The following ABCC11 variants were observed in gnomAD, a reference collection of about 807,000 sequenced individuals.
ABCC11 encodes the protein ATP-binding cassette sub-family C member 11.
A neutral mutation model predicts 149.3 loss-of-function variants in ABCC11; 135 were observed. That is an observed-to-expected ratio of 0.90 (90% CI 0.79 to 1.04). The LOEUF (loss-of-function observed/expected upper bound fraction) is 1.04. Among genes scored for constraint, ABCC11 ranks in the 50% least tolerant of loss-of-function variants. The pLI is 0.00. For synonymous variants in ABCC11, 665 were observed against 671.4 expected (o/e 0.99, Z 0.15); for missense variants, 1,680 against 1,722.1 (o/e 0.98, Z 0.43).
At chr16:48,220,273 G>C (rs745465892) in intron 6 of ABCC11, among the ~76,000 whole-genome samples, 2 of 152,224 alleles carry the variant, frequency 1.3e-5, no homozygotes, top group Non-Finnish European at 2.9e-5. Context: ...CCAGCACTTA[G>C]CAATCACATG....
In ABCC11 at chr16:48,227,798, A is replaced by T. The variant is rs199909739; in HGVS notation, c.395+8T>A. 30 of 1,613,758 alleles carry T rather than the reference A, an allele frequency of 1.9e-5. No individual in the cohort carries two copies. The highest frequency in any genetic ancestry group is 1.3e-5 in the African/African-American group (1 of 74,900). On this transcript the variant is annotated splice_region_variant and intron_variant, in intron 4 of 29. Coordinates refer to ENST00000356608, the MANE Select transcript of ABCC11 (RefSeq NM_001370497.1). ...ACCTATCCACTGGTTTGCCCAGCGCAGCTTCACCTTTGGACATTTTTGTCT... is the reference window on the plus strand; with the variant it reads ...ACCTATCCACTGGTTTGCCCAGCGCTGCTTCACCTTTGGACATTTTTGTCT...
intron 1 of ABCC11, among the ~76,000 whole-genome samples, chr16:48,237,253 C>A (rs2150932906): frequency 6.6e-6 from 1 of 152,304 alleles, no homozygotes; most frequent in African/African-American, 2.4e-5. Context: ...GAATCTGTCA[C>A]AAGGTAGGGC....
chr16:48,230,559 G>A lies in ABCC11; in HGVS notation c.114C>T (p.Leu38=). 1 of 1,602,886 alleles carries A rather than the reference G, an allele frequency of 6.2e-7. No homozygotes were observed. The highest frequency in any genetic ancestry group is 8.5e-7 in the Non-Finnish European group (1 of 1,174,636). ...VSGLIYKTYT[L]QDGPWSQQER... ...CTTGCTGACTCCAGGGGCCATCTTGGAGAGTATAGGTTTTCTTGGAAAAGA... is the reference window on the plus strand; with the variant it reads ...CTTGCTGACTCCAGGGGCCATCTTGAAGAGTATAGGTTTTCTTGGAAAAGA... The change falls in exon 3 of 30, where the codon CTC becomes CTT. Residue 38 remains leucine (L), a synonymous_variant. Transcript: ENST00000356608.
rs769720035 is a variant in ABCC11, at chr16:48,167,578, T to C, written c.3974A>G (p.Gln1325Arg). Residue 1325 changes from glutamine (Q) to arginine (R), a missense_variant, in exon 29 of 30, where the codon CAG (glutamine) becomes CGG (arginine). Gln to Arg is a conservative substitution (Grantham distance 43). Transcript: ENST00000356608. ...LIQRTIREAF[Q>R]GCTVLVIAHR... ...GGCAATGACGAGCACGGTGCAGCCC[T>C]GGAAGGCTTCACGGATTGTGCGCTG... 1 of 1,614,196 alleles carries C rather than the reference T, an allele frequency of 6.2e-7. No individual in the cohort carries two copies. Among genetic ancestry groups the C allele is most frequent in the East Asian group, 2.2e-5 (1 of 44,884 alleles).
In ABCC11 at chr16:48,200,343, A is replaced by C; in HGVS notation, c.2015T>G (p.Ile672Ser). Residue 672 changes from isoleucine to serine, a missense_variant, in exon 15 of 30, where the codon ATT becomes AGT. Coordinates refer to ENST00000356608, the MANE Select transcript of ABCC11 (RefSeq NM_001370497.1). Reference sequence around the variant, plus strand: ...TGTCTTCTTAATGCACTCCTCAAAAATGTGCTTCCCCACGTGGGCGTCCAC... The same window carrying C: ...TGTCTTCTTAATGCACTCCTCAAAACTGTGCTTCCCCACGTGGGCGTCCAC... ...SAVDAHVGKHIFEECIKKTLR... is the reference protein window; with the variant it reads ...SAVDAHVGKHSFEECIKKTLR... 1 of 1,614,240 alleles carries C rather than the reference A, an allele frequency of 6.2e-7. No individual in the cohort carries two copies. Among genetic ancestry groups the C allele is most frequent in the South Asian group, 1.1e-5 (1 of 91,082 alleles).
intron 17 of ABCC11, 99 bp from the exon 18 acceptor site, chr16:48,196,420 T>C: frequency 8.4e-7 from 1 of 1,191,716 alleles, no homozygotes; most frequent in Non-Finnish European, 1.2e-6. Flanking sequence ...CTTTTCACTT[T>C]CCAGCTTCAG....
chr16:48,225,229 A>G (rs537184839), intron 4 of ABCC11, among the ~76,000 whole-genome samples: 1 of 152,256 alleles, frequency 6.6e-6, no homozygotes, highest in East Asian at 1.9e-4. Flanking sequence ...AAAATAAAAT[A>G]AAATAACACC....
intron 23 of ABCC11, among the ~76,000 whole-genome samples, chr16:48,180,016 G>A (rs566010261): frequency 2.6e-5 from 4 of 152,304 alleles, no homozygotes; most frequent in East Asian, 1.9e-4. Context: ...GGCCAGGGGC[G>A]GGTTGGAAGA....
At chr16:48,225,105 G>A (rs549006807) in intron 4 of ABCC11, among the ~76,000 whole-genome samples, 4 of 151,572 alleles carry the variant, frequency 2.6e-5, no homozygotes, top group East Asian at 1.9e-4. Flanking sequence ...CCAGCTACTC[G>A]GGAGGCTGAG....
intron 1 of ABCC11, among the ~76,000 whole-genome samples, chr16:48,241,327 C>T (rs2150941076): frequency 6.6e-6 from 1 of 152,266 alleles, no homozygotes; most frequent in Non-Finnish European, 1.5e-5. Flanking sequence ...GAATGAACTT[C>T]TACAAAATAA....
At chr16:48,209,162 C>G (rs1056421310) in intron 11 of ABCC11, among the ~76,000 whole-genome samples, 6 of 152,192 alleles carry the variant, frequency 3.9e-5, no homozygotes, top group African/African-American at 1.2e-4. Context: ...CATTGCTGCC[C>G]AAGAGCTGTG....
At position 48,216,302 on chromosome 16, in the gene ABCC11, G is replaced by C. The variant is rs201477134; in HGVS notation, c.778-15C>G. On this transcript the variant is annotated splice_polypyrimidine_tract_variant and intron_variant, in intron 6 of 29. Transcript: ENST00000356608. ...AAGCTGATGGCCTGCAAGACAGCAA[G>C]TTGATGGGCACAGATGTCACCTCCC... 176 of 1,611,012 alleles carry C rather than the reference G, an allele frequency of 1.1e-4. No homozygotes were observed. In the African/African-American group the frequency reaches 1.7e-3, roughly 15 times the overall value.
intron 20 of ABCC11, among the ~76,000 whole-genome samples, chr16:48,191,072 G>A (rs531352064): frequency 1.3e-5 from 2 of 152,302 alleles, no homozygotes; most frequent in Admixed American, 1.3e-4. Context: ...GAACTATTCT[G>A]TACCATGGAT....
chr16:48,230,080 A>G (rs986186087), intron 3 of ABCC11, among the ~76,000 whole-genome samples: 8 of 152,154 alleles, frequency 5.3e-5, no homozygotes, highest in Admixed American at 2.0e-4. Context: ...ACTTCTTCAC[A>G]GCACCTTCCT....
At chr16:48,216,308 G>A (rs954909356) in intron 6 of ABCC11, 21 bp from the exon 7 acceptor site, 7 of 1,607,152 alleles carry the variant, frequency 4.4e-6, no homozygotes, top group Non-Finnish European at 6.0e-6. Flanking sequence ...GCAAGTTGAT[G>A]GGCACAGATG....
intron 1 of ABCC11, among the ~76,000 whole-genome samples, chr16:48,232,575 A>G (rs1348333069): frequency 2.0e-5 from 3 of 152,128 alleles, no homozygotes; most frequent in Admixed American, 6.6e-5. Context: ...TATGACTTTC[A>G]TATTTGTTTT....
intron 1 of ABCC11, among the ~76,000 whole-genome samples, chr16:48,239,055 A>G (rs1054855453): frequency 2.0e-5 from 3 of 152,152 alleles, no homozygotes; most frequent in East Asian, 3.9e-4. Flanking sequence ...TTCTTATAGT[A>G]GAATTCTAAA....
intron 2 of ABCC11, 40 bp from the exon 3 acceptor site, chr16:48,230,613 C>T (rs760412601): frequency 8.0e-6 from 12 of 1,506,040 alleles, no homozygotes; most frequent in Middle Eastern, 1.7e-4. Flanking sequence ...TTTCAAATCT[C>T]GTAAATTCTG....
At chr16:48,208,398 G>A in intron 12 of ABCC11, 27 bp downstream of exon 12, 1 of 1,613,644 alleles carries the variant, frequency 6.2e-7, no homozygotes, top group Non-Finnish European at 8.5e-7. Flanking sequence ...CTGCAGACAG[G>A]CAAGCATGTG....
Sources: allele counts gnomAD v4.1 joint callset (sites outside exome capture counted in the v4.1 genomes callset), GRCh38; gene constraint gnomAD v4.1.1; transcripts MANE v1.5; gene names NCBI Gene and HGNC (gene_info 2026-07-23, HGNC 2026-07-21).